NR3C2: variants seen among roughly 807,000 people sequenced by gnomAD.
The protein encoded by NR3C2 is mineralocorticoid receptor.
A neutral mutation model predicts 86.4 loss-of-function variants in NR3C2; 15 were observed. The observed-to-expected ratio is 0.17, with a 90% CI of 0.12 to 0.27. The LOEUF (loss-of-function observed/expected upper bound fraction) is 0.27. Ranked by LOEUF, NR3C2 falls within the 10% of genes least tolerant of loss-of-function variation. The pLI is 1.00. For synonymous variants in NR3C2, 458 were observed against 450.5 expected, an observed-to-expected ratio of 1.02 and a Z score of -0.21; for missense variants, 960 against 1,195.6, an observed-to-expected ratio of 0.80 and a Z score of 2.91.
chr4:148,262,689 AG>A (rs752031805), intron 2 of NR3C2, among the ~76,000 whole-genome samples: 26 of 152,176 alleles, frequency 1.7e-4, no homozygotes, highest in Non-Finnish European at 2.8e-4. Context: ...ATACTGGAAT[AG>A]GGTGGACCCC....
chr4:148,115,928 A>G (rs959753954), intron 7 of NR3C2, among the ~76,000 whole-genome samples: 1 of 152,334 alleles, frequency 6.6e-6, no homozygotes, highest in African/African-American at 2.4e-5. Context: ...AAGTAAAAAA[A>G]CAAAAAGAAC....
intron 5 of NR3C2, among the ~76,000 whole-genome samples, chr4:148,153,335 G>A (rs181510169): frequency 1.1e-3 from 160 of 152,184 alleles, no homozygotes; most frequent in Admixed American, 2.4e-3. Flanking sequence ...CTGCCAGGAC[G>A]CCCAACTAAA....
chr4:148,442,957 C>T, upstream of NR3C2: 4 of 985,314 alleles, frequency 4.1e-6, no homozygotes, highest in Non-Finnish European at 4.8e-6. Flanking sequence ...ACCTGCAGCT[C>T]CAGGTGAGCT....
At position 148,144,870 on chromosome 4, in the gene NR3C2, CT is replaced by C. The variant is rs1429686351; in HGVS notation, c.2510+7598del. Among the ~76,000 whole-genome samples, 4 of 152,300 alleles carry C rather than the reference CT, an allele frequency of 2.6e-5. No individual in the cohort carries two copies. The East Asian group carries it at 7.7e-4, about 29-fold the overall frequency. Reference sequence around the variant, plus strand: ...ACGTTGCTTTTCTTTATTCAAGAGTCTTGAGCTCCACTGTCTCCAAGGGCCA... The same window carrying C: ...ACGTTGCTTTTCTTTATTCAAGAGTCTGAGCTCCACTGTCTCCAAGGGCCA... On this transcript the variant is annotated intron_variant, in intron 6 of 8. Coordinates refer to ENST00000358102, the MANE Select transcript of NR3C2 (RefSeq NM_000901.5).
chr4:148,088,953 A>G (rs963026119), intron 8 of NR3C2, among the ~76,000 whole-genome samples: 9 of 152,210 alleles, frequency 5.9e-5, no homozygotes, highest in African/African-American at 2.2e-4. Flanking sequence ...ATATTCCATT[A>G]TGGGAAAAAT....
chr4:148,373,951 T>C (rs554523019), intron 2 of NR3C2, among the ~76,000 whole-genome samples: 60 of 152,272 alleles, frequency 3.9e-4, no homozygotes, highest in African/African-American at 1.4e-3. Context: ...ATGAAAACTC[T>C]TGGACAACAG....
chr4:148,324,772 T>G (rs961476170), intron 2 of NR3C2, among the ~76,000 whole-genome samples: 13 of 152,176 alleles, frequency 8.5e-5, no homozygotes, highest in Non-Finnish European at 1.3e-4. Flanking sequence ...AAAACATATT[T>G]CATATCTTAA....
At chr4:148,141,771 T>C (rs1020776742) in intron 6 of NR3C2, among the ~76,000 whole-genome samples, 1 of 152,124 alleles carries the variant, frequency 6.6e-6, no homozygotes, top group Non-Finnish European at 1.5e-5. Flanking sequence ...CTGCGAACCC[T>C]AGCTGAACTG....
At chr4:148,273,770 C>A (rs909710324) in intron 2 of NR3C2, among the ~76,000 whole-genome samples, 10 of 152,156 alleles carry the variant, frequency 6.6e-5, no homozygotes, top group Admixed American at 2.0e-4. Context: ...AGGCTAGGAA[C>A]TAGCTAGAGC....
intron 2 of NR3C2, among the ~76,000 whole-genome samples, chr4:148,425,538 G>A (rs1019147373): frequency 6.6e-6 from 1 of 152,188 alleles, no homozygotes; most frequent in Non-Finnish European, 1.5e-5. Flanking sequence ...AAGTACAGAG[G>A]ACCCCAAAAG....
rs1730451889 is a variant in NR3C2 at position 148,079,695 on chromosome 4, CATTTT to C, written c.*1644_*1648del. The C allele has an allele frequency of 1.3e-5, 2 of 152,624 alleles. No individual in the cohort carries two copies. 9.5% of individuals were successfully genotyped at this position (152,624 alleles called of 1,614,324 possible). ...CAAACAAACAGATTAATGAATTAAA[CATTTT>C]AGTGCCACTGTCTTGCTTATATGAT... On this transcript the variant is annotated 3_prime_UTR_variant, in exon 9 of 9. Coordinates refer to ENST00000358102, the MANE Select transcript of NR3C2 (RefSeq NM_000901.5).
intron 3 of NR3C2, among the ~76,000 whole-genome samples, chr4:148,254,813 G>A (rs1461195068): frequency 6.6e-6 from 1 of 152,114 alleles, no homozygotes; most frequent in Non-Finnish European, 1.5e-5. Flanking sequence ...TTGTGGTTGT[G>A]ACAATAGGCT....
At chr4:148,323,564 C>T (rs997126237) in intron 2 of NR3C2, among the ~76,000 whole-genome samples, 3 of 151,722 alleles carry the variant, frequency 2.0e-5, no homozygotes, top group African/African-American at 2.4e-5. Context: ...GAGCCAGGTG[C>T]GGGACATAAT....
At chr4:148,416,779 T>G (rs925705439) in intron 2 of NR3C2, among the ~76,000 whole-genome samples, 1 of 152,228 alleles carries the variant, frequency 6.6e-6, no homozygotes, top group African/African-American at 2.4e-5. Flanking sequence ...TTTGCTTTTT[T>G]TTTCTTTTTT....
At chr4:148,384,782 T>A (rs1351293083) in intron 2 of NR3C2, among the ~76,000 whole-genome samples, 2 of 152,170 alleles carry the variant, frequency 1.3e-5, no homozygotes, top group Non-Finnish European at 2.9e-5. Flanking sequence ...TTACCATATT[T>A]CTCTTCAAAA....
chr4:148,322,895 C>T (rs1743698222), intron 2 of NR3C2, among the ~76,000 whole-genome samples: 1 of 136,252 alleles, frequency 7.3e-6, no homozygotes, highest in Admixed American at 7.8e-5. Flanking sequence ...AGTCATTCTC[C>T]ATCCAGCTTT....
In NR3C2 at chr4:148,165,472, A is replaced by G. The variant is rs1343548303; in HGVS notation, c.2015-10571T>C. 2.6e-5 allele frequency among the ~76,000 whole-genome samples: 4 copies of G among 152,142 alleles called. No individual in the cohort carries two copies. The East Asian group carries it at 7.7e-4, about 29-fold the overall frequency. ...TTCTTCAAAATATTTCTTCCCTCTTAGTTCAACAGTCTTTCTGTGAAATAA... is the reference window on the plus strand; with the variant it reads ...TTCTTCAAAATATTTCTTCCCTCTTGGTTCAACAGTCTTTCTGTGAAATAA... On this transcript the variant is annotated intron_variant, in intron 4 of 8. Transcript: ENST00000358102.
At chr4:148,289,288 A>AG in intron 2 of NR3C2, among the ~76,000 whole-genome samples, 1 of 151,804 alleles carries the variant, frequency 6.6e-6, no homozygotes, top group East Asian at 1.9e-4. Context: ...AAAAAAAAAA[A>AG]AACCATGATG....
At chr4:148,197,784 G>A (rs927466876) in intron 3 of NR3C2, among the ~76,000 whole-genome samples, 3 of 152,088 alleles carry the variant, frequency 2.0e-5, no homozygotes, top group Non-Finnish European at 2.9e-5. Flanking sequence ...AAATTTTGTC[G>A]TTTATATTTT....
Sources: allele counts gnomAD v4.1 joint callset (sites outside exome capture counted in the v4.1 genomes callset), GRCh38; gene constraint gnomAD v4.1.1; transcripts MANE v1.5; gene names NCBI Gene and HGNC (gene_info 2026-07-23, HGNC 2026-07-21).